The following CACNB3 variants were observed in gnomAD, a reference collection of about 807,000 sequenced individuals.
CACNB3 encodes voltage-dependent L-type calcium channel subunit beta-3.
In CACNB3, 36 loss-of-function variants were observed where a neutral mutation model predicts 63.7. The ratio of observed to expected loss-of-function variants is 0.57; its 90% CI spans 0.43 to 0.75. CACNB3 has a LOEUF of 0.75. CACNB3 is among the 30% of genes least tolerant of loss of function. The pLI is 0.00. For synonymous variants in CACNB3, 241 were observed against 250.6 expected (o/e 0.96, Z 0.36); for missense variants, 493 against 648.6 (o/e 0.76, Z 2.61).
At chr12:48,827,450 G>A in intron 12 of CACNB3, 135 bp from the exon 13 acceptor site, 2 of 907,862 alleles carry the variant, frequency 2.2e-6, no homozygotes, top group Non-Finnish European at 3.3e-6. Flanking sequence ...GAGGAAAAAT[G>A]CTCCAGCATG....
chr12:48,818,200 C>T (rs1257463627), upstream of CACNB3, among the ~76,000 whole-genome samples: 4 of 152,208 alleles, frequency 2.6e-5, no homozygotes, highest in East Asian at 3.9e-4. This position sits in a 1 kb window ranked among gnomAD's most constrained non-coding sequence, Gnocchi z 4.3. Context: ...CGCCTGGGAC[C>T]CCTCCCCCGT....
chr12:48,822,548 G>T (rs1277712661), intron 1 of CACNB3, among the ~76,000 whole-genome samples: 1 of 152,196 alleles, frequency 6.6e-6, no homozygotes, highest in Non-Finnish European at 1.5e-5. Context: ...CCTGGGAAAG[G>T]ACTAGGGAGA....
In CACNB3 at chr12:48,824,616, A is replaced by G. The variant is rs1270128403; in HGVS notation, c.408-53A>G. The G allele has an allele frequency of 2.7e-6, 4 of 1,502,074 alleles. No homozygotes were observed. In the East Asian group the frequency reaches 6.8e-5, roughly 25 times the overall value. The allele number at this position is 1,502,074 out of a possible 1,614,324, so 93.0% of individuals were successfully genotyped here. A position where few individuals can be genotyped will look rare whatever the true frequency, so the allele number is the denominator to read the frequency against. Reference sequence around the variant, plus strand: ...TTATTAAATAATGCATAGAACATACATACACAGAGACACATTCTTCTCTCT... The same window carrying G: ...TTATTAAATAATGCATAGAACATACGTACACAGAGACACATTCTTCTCTCT... On this transcript the variant is annotated intron_variant, in intron 4 of 12. Coordinates refer to ENST00000301050, the MANE Select transcript of CACNB3 (RefSeq NM_000725.4).
rs1052994532 is a variant in CACNB3, at chr12:48,826,995, G to A, written c.1012G>A (p.Asp338Asn). Residue 338 changes from aspartate to asparagine, a missense_variant, in exon 12 of 13, where the codon GAT becomes AAT. Transcript: ENST00000301050. This position sits in a 1 kb window ranked among gnomAD's most constrained non-coding sequence, Gnocchi z 4.8. ...CPPESFDVILDENQLEDACEH... is the reference protein window; with the variant it reads ...CPPESFDVILNENQLEDACEH... ...CCAGGAGTCATTTGATGTGATTCTG[G>A]ATGAGAACCAGCTGGAGGATGCCTG... The A allele has an allele frequency of 1.9e-6, 3 of 1,613,984 alleles. No individual in the cohort carries two copies. Among genetic ancestry groups the A allele is most frequent in the Non-Finnish European group, 2.5e-6 (3 of 1,180,038 alleles).
At position 48,818,742 on chromosome 12, in the gene CACNB3, G is replaced by A. The variant is rs1305351642; in HGVS notation, c.-188G>A. The A allele has an allele frequency of 4.6e-6, 6 of 1,309,426 alleles. No homozygotes were observed. The highest frequency in any genetic ancestry group is 4.9e-6 in the Non-Finnish European group (5 of 1,030,680). The allele number at this position is 1,309,426 out of a possible 1,614,324, so 81.1% of individuals were successfully genotyped here. A position where few individuals can be genotyped will look rare whatever the true frequency, so the allele number is the denominator to read the frequency against. ...TTTGGGGGGGTGGGGTGGGGGGAGC[G>A]GTGATCTGAGCTCCGAGCAGCTGGT... is the stretch of plus-strand genomic sequence containing the variant. On this transcript the variant is annotated 5_prime_UTR_variant, in exon 1 of 13. Transcript: ENST00000301050. This position sits in a 1 kb window ranked among gnomAD's most constrained non-coding sequence, Gnocchi z 4.3.
In CACNB3 at chr12:48,818,692, C is replaced by A. The variant is rs1937657899; in HGVS notation, c.-238C>A. The A allele has an allele frequency of 9.0e-7, 1 of 1,110,248 alleles. No individual in the cohort carries two copies. Among genetic ancestry groups the A allele is most frequent in the African/African-American group, 1.8e-5 (1 of 56,924 alleles). The allele number at this position is 1,110,248 out of a possible 1,614,324, so 68.8% of individuals were successfully genotyped here. A position where few individuals can be genotyped will look rare whatever the true frequency, so the allele number is the denominator to read the frequency against. On this transcript the variant is annotated 5_prime_UTR_variant, in exon 1 of 13. Transcript: ENST00000301050. The surrounding 1 kb of genome is among the most constrained non-coding windows in gnomAD (Gnocchi z 4.3). Reference sequence around the variant, plus strand: ...AGGAGCCGGCGCCAGATTCCTCAGCCGCGCTCGGGGTGGGACCGGCTGGGT... The same window carrying A: ...AGGAGCCGGCGCCAGATTCCTCAGCAGCGCTCGGGGTGGGACCGGCTGGGT...
chr12:48,824,940 T>A lies in CACNB3; in HGVS notation c.473-9T>A. 1 of 1,613,122 alleles carries A rather than the reference T, an allele frequency of 6.2e-7. No individual in the cohort carries two copies. Among genetic ancestry groups the A allele is most frequent in the Non-Finnish European group, 8.5e-7 (1 of 1,179,822 alleles). ...CCAACTTTAATCTTGTATTTCCTTT[T>A]CCAAAAAGCCAAGCAGAAGCAAAAG... On this transcript the variant is annotated splice_polypyrimidine_tract_variant and intron_variant, in intron 5 of 12. Transcript: ENST00000301050.
chr12:48,826,336 T>C lies in CACNB3; in HGVS notation c.743-31T>C. The C allele has an allele frequency of 6.2e-7, 1 of 1,612,226 alleles. No homozygotes were observed. Among genetic ancestry groups the C allele is most frequent in the Non-Finnish European group, 8.5e-7 (1 of 1,178,444 alleles). On this transcript the variant is annotated intron_variant, in intron 9 of 12. Coordinates refer to ENST00000301050, the MANE Select transcript of CACNB3 (RefSeq NM_000725.4). The surrounding 1 kb of genome is among the most constrained non-coding windows in gnomAD (Gnocchi z 4.8). The stretch of plus-strand genomic sequence containing the variant: ...TGGAGTGAGCAGTGGGCAGAGCTCC[T>C]GGTGAGCACTGCTGCTGCCTCCCTC...
Position 48,826,667 on chromosome 12 carries a change from C to A in CACNB3, c.895-92C>A. The A allele has an allele frequency of 7.1e-7, 1 of 1,416,152 alleles. No homozygotes were observed. The allele number at this position is 1,416,152 out of a possible 1,614,324, so 87.7% of individuals were successfully genotyped here. On this transcript the variant is annotated intron_variant, in intron 10 of 12. Coordinates refer to ENST00000301050, the MANE Select transcript of CACNB3 (RefSeq NM_000725.4). This position sits in a 1 kb window ranked among gnomAD's most constrained non-coding sequence, Gnocchi z 4.8. Reference sequence around the variant, plus strand: ...GAGTCATCCTCACCTGCTACTGATGCCACAAGTGGAAGAAATGCCTAGCTC... The same window carrying A: ...GAGTCATCCTCACCTGCTACTGATGACACAAGTGGAAGAAATGCCTAGCTC...
intron 1 of CACNB3, chr12:48,820,688 G>A (rs145245318): frequency 1.3e-5 from 2 of 152,392 alleles, no homozygotes; most frequent in Non-Finnish European, 2.9e-5. Context: ...GTACAGGAAA[G>A]GTAAGACCCT....
chr12:48,815,725 C>G, upstream of CACNB3: 2 of 1,336,058 alleles, frequency 1.5e-6, no homozygotes, highest in Non-Finnish European at 1.0e-6. Flanking sequence ...TCCTGCTGAA[C>G]GAGGTAACCG....
chr12:48,820,415 T>C (rs1328094906), intron 1 of CACNB3: 1 of 152,406 alleles, frequency 6.6e-6, no homozygotes, highest in Non-Finnish European at 1.5e-5. Context: ...CATCTCTCTC[T>C]GGCTCTGATC....
At chr12:48,819,752 A>G (rs1157327850) in intron 1 of CACNB3, 2 of 432,424 alleles carry the variant, frequency 4.6e-6, no homozygotes, top group South Asian at 1.6e-5. Flanking sequence ...CGCTTTGCTC[A>G]GAGAAACAGG....
chr12:48,819,063 A>C, intron 1 of CACNB3, 89 bp downstream of exon 1: 1 of 1,406,646 alleles, frequency 7.1e-7, no homozygotes, highest in Non-Finnish European at 9.8e-7. Flanking sequence ...GACTTTGAAA[A>C]ACGCCTCAGT....
At position 48,825,762 on chromosome 12, in the gene CACNB3, C is replaced by T. The variant is rs1050348202; in HGVS notation, c.735C>T (p.Ser245=). 9 of 1,612,546 alleles carry T rather than the reference C, an allele frequency of 5.6e-6. No individual in the cohort carries two copies. In the African/African-American group the frequency reaches 9.3e-5, roughly 17 times the overall value. Residue 245 remains serine (S), a synonymous_variant, in exon 9 of 13, where the codon TCC becomes TCT. Coordinates refer to ENST00000301050, the MANE Select transcript of CACNB3 (RefSeq NM_000725.4). The surrounding 1 kb of genome is among the most constrained non-coding windows in gnomAD (Gnocchi z 4.5). ...RTIIERSSAR[S]SIAEVQSEIE... is the part of the protein sequence containing the mutation. ...TCATTGAGCGCTCCTCTGCCCGCTC[C>T]AGCATTGGTGAGAAGTCCCCACCAC...
At chr12:48,817,826 T>C (rs556883547), upstream of CACNB3, 2 of 152,460 alleles carry the variant, frequency 1.3e-5, no homozygotes, top group Middle Eastern at 3.4e-3. Context: ...CCCTTCCCTT[T>C]AGGCTCACCT....
chr12:48,824,919 C>T (rs1472097563), intron 5 of CACNB3, 30 bp from the exon 6 acceptor site: 5 of 1,613,348 alleles, frequency 3.1e-6, no homozygotes, highest in Admixed American at 1.7e-5. Context: ...CCTTCACCAA[C>T]TTTAATCTTG....
chr12:48,826,816 C>G lies in CACNB3; in HGVS notation c.952C>G (p.Gln318Glu). ...GKSQMKHLTV[Q>E]MMAYDKLVQC... Reference sequence around the variant, plus strand: ...GTCACAGATGAAGCACCTGACCGTACAGATGATGGCATATGATAAGCTGGT... The same window carrying G: ...GTCACAGATGAAGCACCTGACCGTAGAGATGATGGCATATGATAAGCTGGT... Residue 318 changes from glutamine (Q) to glutamate (E), a missense_variant, in exon 11 of 13, where the codon CAG (glutamine) becomes GAG (glutamate). Gln to Glu is a conservative substitution (Grantham distance 29). Transcript: ENST00000301050. The surrounding 1 kb of genome is among the most constrained non-coding windows in gnomAD (Gnocchi z 4.8). 1 of 1,614,158 alleles carries G rather than the reference C, an allele frequency of 6.2e-7. No homozygotes were observed. The highest frequency in any genetic ancestry group is 1.1e-5 in the South Asian group (1 of 91,082).
chr12:48,818,944 C>T lies in CACNB3; in HGVS notation c.15C>T (p.Ser5=), dbSNP rs1937688512. 6.2e-7 allele frequency: 1 copy of T among 1,602,768 alleles called. No individual in the cohort carries two copies. Among genetic ancestry groups the T allele is most frequent in the Non-Finnish European group, 8.5e-7 (1 of 1,174,786 alleles). MYDD[S]YVPGFEDSEA... The stretch of plus-strand genomic sequence containing the variant: ...CGGACTCCCCCATGTATGACGACTC[C>T]TACGTGCCCGGGTTTGAGGACTCGG... Residue 5 remains serine, a synonymous_variant, in exon 1 of 13, where the codon TCC becomes TCT. Coordinates refer to ENST00000301050, the MANE Select transcript of CACNB3 (RefSeq NM_000725.4). The surrounding 1 kb of genome is among the most constrained non-coding windows in gnomAD (Gnocchi z 4.3).
Sources: allele counts gnomAD v4.1 joint callset (sites outside exome capture counted in the v4.1 genomes callset), GRCh38; gene constraint gnomAD v4.1.1; non-coding constraint Gnocchi (gnomAD v3.1); transcripts MANE v1.5; gene names NCBI Gene and HGNC (gene_info 2026-07-23, HGNC 2026-07-21).